Variants in CHN2 observed in about 807,000 individuals in gnomAD.
CHN2 encodes chimerin 2.
Under a neutral mutation model 56.3 loss-of-function variants are expected in CHN2, and 35 were observed. That is an observed-to-expected ratio of 0.62 (90% confidence interval 0.47 to 0.82). The LOEUF (loss-of-function observed/expected upper bound fraction) is 0.82. Among genes scored for constraint, CHN2 ranks in the 40% least tolerant of loss-of-function variants. The pLI is 0.00. For missense variants in CHN2, 491 were observed against 580.5 expected (o/e 0.85, Z 1.58); for synonymous variants, 210 against 212.8 (o/e 0.99, Z 0.12).
At chr7:29,158,376 T>TA (rs1794713745) in intron 2 of CHN2, among the ~76,000 whole-genome samples, 1 of 152,228 alleles carries the variant, frequency 6.6e-6, no homozygotes, top group Non-Finnish European at 1.5e-5. Flanking sequence ...ATGATGTGAC[T>TA]AAAACATGTA....
intron 2 of CHN2, among the ~76,000 whole-genome samples, chr7:29,158,719 C>T (rs1794768573): frequency 6.6e-6 from 1 of 152,108 alleles, no homozygotes; most frequent in East Asian, 1.9e-4. Flanking sequence ...TAAAAGTGTT[C>T]CTGGAGATTT....
Position 29,352,156 on chromosome 7 carries a change from A to G in CHN2, c.50-2469A>G, listed in dbSNP as rs561733735. 4.6e-5 allele frequency among the ~76,000 whole-genome samples: 7 copies of G among 152,314 alleles called. No individual in the cohort carries two copies. In the South Asian group the frequency reaches 1.2e-3, roughly 27 times the overall value. ...TGGACTATACTAAAGATCTGCAGAA[A>G]GGGGAACTTCATCTTCTGTCTTGAG... On this transcript the variant is annotated intron_variant, in intron 1 of 12. Transcript: ENST00000222792.
intron 2 of CHN2, among the ~76,000 whole-genome samples, chr7:29,153,476 C>T (rs1353180256): frequency 6.6e-6 from 1 of 152,184 alleles, no homozygotes; most frequent in Non-Finnish European, 1.5e-5. Flanking sequence ...TTCTTCTCCT[C>T]TTCAGCCTAT....
intron 1 of CHN2, among the ~76,000 whole-genome samples, chr7:29,253,004 A>G (rs1383867901): frequency 6.6e-6 from 1 of 152,166 alleles, no homozygotes; most frequent in Non-Finnish European, 1.5e-5. Context: ...TTCTCATGGG[A>G]CAGTTTCCCA....
chr7:29,226,095 T>C (rs1786168919), intron 1 of CHN2, among the ~76,000 whole-genome samples: 1 of 152,204 alleles, frequency 6.6e-6, no homozygotes. Flanking sequence ...TTAAAAAATA[T>C]CTTTTGAGAC....
At chr7:29,404,363 A>C (rs1171166953) in intron 6 of CHN2, among the ~76,000 whole-genome samples, 1 of 152,226 alleles carries the variant, frequency 6.6e-6, no homozygotes, top group Non-Finnish European at 1.5e-5. Flanking sequence ...ATGGTTTGTC[A>C]TATTAAATTG....
intron 6 of CHN2, among the ~76,000 whole-genome samples, chr7:29,464,135 A>T (rs1286001271): frequency 1.3e-5 from 2 of 152,230 alleles, no homozygotes; most frequent in African/African-American, 4.8e-5. Flanking sequence ...CATAGTTACG[A>T]TTAATCATAA....
intron 1 of CHN2, among the ~76,000 whole-genome samples, chr7:29,292,058 G>A (rs1185083272): frequency 6.6e-6 from 1 of 152,114 alleles, no homozygotes; most frequent in East Asian, 1.9e-4. Context: ...CTACCGGGGC[G>A]GAGGATTTTA....
intron 11 of CHN2, among the ~76,000 whole-genome samples, chr7:29,508,585 G>T (rs1290005430): frequency 3.3e-5 from 5 of 151,994 alleles, no homozygotes; most frequent in Non-Finnish European, 5.9e-5. Context: ...CTCCTTCCGG[G>T]GCCCTAGTGG....
chr7:29,249,184 A>G (rs936455402), intron 1 of CHN2, among the ~76,000 whole-genome samples: 1 of 152,158 alleles, frequency 6.6e-6, no homozygotes, highest in Non-Finnish European at 1.5e-5. Flanking sequence ...GCATGCTGGT[A>G]GCATGGCTCA....
intron 1 of CHN2, among the ~76,000 whole-genome samples, chr7:29,319,670 C>T (rs1224353732): frequency 1.3e-5 from 2 of 152,168 alleles, no homozygotes; most frequent in Admixed American, 1.3e-4. Flanking sequence ...TTAGCACTCC[C>T]GAGTTGGCCT....
chr7:29,429,082 G>A (rs7785829), intron 6 of CHN2, among the ~76,000 whole-genome samples: 108,596 of 152,134 alleles, frequency 0.71, 39,881 homozygotes, highest in African/African-American at 0.89. Flanking sequence ...ATGGGTCACC[G>A]CCTCCCAATC....
chr7:29,271,603 T>C (rs1790648911), intron 1 of CHN2, among the ~76,000 whole-genome samples: 1 of 152,162 alleles, frequency 6.6e-6, no homozygotes, highest in African/African-American at 2.4e-5. Flanking sequence ...AGGTTGAAAA[T>C]TGAGGTTAAG....
At chr7:29,255,749 T>C (rs1276139804) in intron 1 of CHN2, among the ~76,000 whole-genome samples, 1 of 152,204 alleles carries the variant, frequency 6.6e-6, no homozygotes, top group Non-Finnish European at 1.5e-5. Context: ...ATATCCTTTT[T>C]TATGGGCAGT....
chr7:29,236,875 T>C (rs1787232708), intron 1 of CHN2, among the ~76,000 whole-genome samples: 1 of 152,172 alleles, frequency 6.6e-6, no homozygotes. Flanking sequence ...GACTCCTGCC[T>C]CCCTTTTATA....
In CHN2 at chr7:29,195,629, A is replaced by AGAGAGAGAGAGAGAGT. The variant is rs869037854; in HGVS notation, c.49+640_49+641insAGAGAGAGAGAGAGTG. On this transcript the variant is annotated intron_variant, in intron 1 of 12. Coordinates refer to ENST00000222792, the MANE Select transcript of CHN2 (RefSeq NM_004067.4). ...GAGAGAGAGAGAGAGAGAGAGAGAG[A>AGAGAGAGAGAGAGAGT]GTGTGTGTGTGTGTGTGTGTGAGAG... Among the ~76,000 whole-genome samples the AGAGAGAGAGAGAGAGT allele has an allele frequency of 8.5e-5, 10 of 117,574 alleles. No individual in the cohort carries two copies. In the South Asian group the frequency reaches 1.1e-3, roughly 13 times the overall value. 77.1% of individuals were successfully genotyped at this position (117,574 alleles called of 152,430 possible).
At chr7:29,445,945 G>A (rs1784001376) in intron 6 of CHN2, among the ~76,000 whole-genome samples, 1 of 151,848 alleles carries the variant, frequency 6.6e-6, no homozygotes, top group Non-Finnish European at 1.5e-5. Flanking sequence ...CTGTGGAGCC[G>A]GAAGTGGCTA....
At chr7:29,379,048 T>A (rs1800292833) in intron 3 of CHN2, among the ~76,000 whole-genome samples, 1 of 152,234 alleles carries the variant, frequency 6.6e-6, no homozygotes, top group South Asian at 2.1e-4. Context: ...GAAGCATTGG[T>A]CTTTAATTTC....
chr7:29,441,712 A>G (rs567292316), intron 6 of CHN2, among the ~76,000 whole-genome samples: 1 of 152,322 alleles, frequency 6.6e-6, no homozygotes, highest in South Asian at 2.1e-4. Context: ...GGGAAATGCA[A>G]TCAAAACCGC....
Sources: allele counts gnomAD v4.1 joint callset (sites outside exome capture counted in the v4.1 genomes callset), GRCh38; gene constraint gnomAD v4.1.1; transcripts MANE v1.5; gene names NCBI Gene and HGNC (gene_info 2026-07-23, HGNC 2026-07-21).